Variants in FAM216B observed in about 807,000 individuals in gnomAD.
The protein encoded by FAM216B is protein FAM216B.
FAM216B carries 11 observed loss-of-function variants against 12.9 expected under a neutral mutation model. The observed-to-expected ratio is 0.86, with a 90% confidence interval of 0.54 to 1.42. The LOEUF is 1.42. Among genes scored for constraint, FAM216B ranks in the 40% most tolerant of loss-of-function variants. FAM216B has a pLI of 0.00. For missense variants in FAM216B, 167 were observed against 162.9 expected (o/e 1.02, Z -0.14); for synonymous variants, 52 against 57.2 (o/e 0.91, Z 0.41).
At chr13:42,786,983 T>C in intron 3 of FAM216B, 100 bp downstream of exon 3, 1 of 1,525,696 alleles carries the variant, frequency 6.6e-7, no homozygotes, top group South Asian at 1.3e-5. Context: ...CAATGGCATC[T>C]ACTGGCGTGC....
rs1457370671 is a variant in FAM216B, at chr13:42,789,912, T to C, written c.*1122T>C. ...ATCATGAACATATAAGATATAAAAA[T>C]TGTCATGAGATTCTGAACACTAGTA... On this transcript the variant is annotated 3_prime_UTR_variant, in exon 4 of 4. Transcript: ENST00000313851. The C allele has an allele frequency of 1.3e-5, 2 of 152,114 alleles. No homozygotes were observed. The highest frequency in any genetic ancestry group is 4.8e-5 in the African/African-American group (2 of 41,414). 9.4% of individuals were successfully genotyped at this position (152,114 alleles called of 1,614,324 possible). A position where few individuals can be genotyped will look rare whatever the true frequency, so the allele number is the denominator to read the frequency against.
At position 42,789,966 on chromosome 13, in the gene FAM216B, T is replaced by C. The variant is rs977804802; in HGVS notation, c.*1176T>C. 1.3e-5 allele frequency: 2 copies of C among 152,226 alleles called. No individual in the cohort carries two copies. The highest frequency in any genetic ancestry group is 2.4e-5 in the African/African-American group (1 of 41,470). The allele number at this position is 152,226 out of a possible 1,614,324, so 9.4% of individuals were successfully genotyped here. Reference sequence around the variant, plus strand: ...AGGTCCAGCACTACTTCCAAGCTCCTATCTGACTTTTCTTTGGGAGGAATG... The same window carrying C: ...AGGTCCAGCACTACTTCCAAGCTCCCATCTGACTTTTCTTTGGGAGGAATG... On this transcript the variant is annotated 3_prime_UTR_variant, in exon 4 of 4. Coordinates refer to ENST00000313851, the MANE Select transcript of FAM216B (RefSeq NM_001318932.2).
chr13:42,782,227 A>C lies in FAM216B; in HGVS notation c.-15+563A>C, dbSNP rs954564137. ...ACATGTATTACAATACTCCTTAAGC[A>C]TGTGTATGTTTATGAACCTATGAGT... On this transcript the variant is annotated intron_variant, in intron 1 of 3. Transcript: ENST00000313851. 2.0e-5 allele frequency among the ~76,000 whole-genome samples: 3 copies of C among 152,360 alleles called. No homozygotes were observed. In the South Asian group the frequency reaches 6.2e-4, roughly 32 times the overall value.
chr13:42,783,164 T>C (rs1003573949), intron 1 of FAM216B, among the ~76,000 whole-genome samples: 2 of 151,622 alleles, frequency 1.3e-5, no homozygotes, highest in African/African-American at 2.4e-5. Context: ...TAAAAAATAA[T>C]TGGGTGTGGG....
At chr13:42,786,349 CTCA>C (rs59184162) in intron 2 of FAM216B, among the ~76,000 whole-genome samples, 53,205 of 151,712 alleles carry the variant, frequency 0.35, 9,401 homozygotes, top group Non-Finnish European at 0.39. Flanking sequence ...TACCACATTA[CTCA>C]TCCATCTATC....
chr13:42,788,651 G>T lies in FAM216B; in HGVS notation c.281G>T (p.Arg94Ile), dbSNP rs751877658. The T allele has an allele frequency of 2.5e-6, 4 of 1,613,958 alleles. No homozygotes were observed. In the South Asian group the frequency reaches 3.3e-5, roughly 13 times the overall value. Residue 94 changes from arginine to isoleucine, a missense_variant, in exon 4 of 4, where the codon AGA (arginine) becomes ATA (isoleucine). By Grantham distance (97) the Arg-to-Ile change is moderately conservative. Coordinates refer to ENST00000313851, the MANE Select transcript of FAM216B (RefSeq NM_001318932.2). ...YALVLRDSTKRASAKVAPQRT... is the reference protein window; with the variant it reads ...YALVLRDSTKIASAKVAPQRT... ...CTTGTACTTAGAGATTCAACCAAGA[G>T]AGCCTCAGCCAAGGTAGCTCCTCAA...
intron 3 of FAM216B, among the ~76,000 whole-genome samples, chr13:42,787,169 T>C (rs1310736923): frequency 6.6e-6 from 1 of 152,208 alleles, no homozygotes; most frequent in Non-Finnish European, 1.5e-5. Context: ...GGGTCTGGGC[T>C]TAGAAAACCA....
At position 42,789,483 on chromosome 13, in the gene FAM216B, C is replaced by T. The variant is rs1245089703; in HGVS notation, c.*693C>T. 6.6e-6 allele frequency: 1 copy of T among 152,212 alleles called. No homozygotes were observed. Among genetic ancestry groups the T allele is most frequent in the African/African-American group, 2.4e-5 (1 of 41,442 alleles). 9.4% of individuals were successfully genotyped at this position (152,212 alleles called of 1,614,324 possible). A position where few individuals can be genotyped will look rare whatever the true frequency, so the allele number is the denominator to read the frequency against. On this transcript the variant is annotated 3_prime_UTR_variant, in exon 4 of 4. Coordinates refer to ENST00000313851, the MANE Select transcript of FAM216B (RefSeq NM_001318932.2). ...ACACTCTTAAAAGAATATGAAATAA[C>T]CCCGAAGACTTTATTTCATGTCCAA...
At position 42,788,954 on chromosome 13, in the gene FAM216B, G is replaced by A. The variant is rs1310282010; in HGVS notation, c.*164G>A. On this transcript the variant is annotated 3_prime_UTR_variant, in exon 4 of 4. Coordinates refer to ENST00000313851, the MANE Select transcript of FAM216B (RefSeq NM_001318932.2). ...TAAATTTTGCCAGCAAGACCAAGAG[G>A]TTTAAGAGCAATGGAGCCGAGAGTA... is the stretch of plus-strand genomic sequence containing the variant. 4.7e-6 allele frequency: 3 copies of A among 643,888 alleles called. No homozygotes were observed. Among genetic ancestry groups the A allele is most frequent in the Non-Finnish European group, 7.5e-6 (3 of 401,090 alleles). The allele number at this position is 643,888 out of a possible 1,614,324, so 39.9% of individuals were successfully genotyped here. A position where few individuals can be genotyped will look rare whatever the true frequency, so the allele number is the denominator to read the frequency against.
chr13:42,782,127 T>C (rs905459691), intron 1 of FAM216B, among the ~76,000 whole-genome samples: 1 of 152,242 alleles, frequency 6.6e-6, no homozygotes, highest in African/African-American at 2.4e-5. Context: ...CACAGAGATG[T>C]TGACTAATGT....
Position 42,790,403 on chromosome 13 carries a change from AC to A in FAM216B, c.*1614del, listed in dbSNP as rs1566065676. 1 of 152,036 alleles carries A rather than the reference AC, an allele frequency of 6.6e-6. No homozygotes were observed. Among genetic ancestry groups the A allele is most frequent in the Non-Finnish European group, 1.5e-5 (1 of 68,002 alleles). 9.4% of individuals were successfully genotyped at this position (152,036 alleles called of 1,614,324 possible). A position where few individuals can be genotyped will look rare whatever the true frequency, so the allele number is the denominator to read the frequency against. On this transcript the variant is annotated 3_prime_UTR_variant, in exon 4 of 4. Transcript: ENST00000313851. ...ATGCAGAATATCAAGGAGGCCACTT[AC>A]AATTCTAAGCTGCATCCCTGTATCA...
rs1038075133 is a variant in FAM216B at position 42,789,582 on chromosome 13, A to C, written c.*792A>C. On this transcript the variant is annotated 3_prime_UTR_variant, in exon 4 of 4. Coordinates refer to ENST00000313851, the MANE Select transcript of FAM216B (RefSeq NM_001318932.2). Reference sequence around the variant, plus strand: ...AAGCAGTGAGTCAGTTCATCATACAAAGGCATAGTATTGCATTAGTTATAT... The same window carrying C: ...AAGCAGTGAGTCAGTTCATCATACACAGGCATAGTATTGCATTAGTTATAT... 1 of 152,118 alleles carries C rather than the reference A, an allele frequency of 6.6e-6. No homozygotes were observed. The highest frequency in any genetic ancestry group is 1.5e-5 in the Non-Finnish European group (1 of 68,036). 9.4% of individuals were successfully genotyped at this position (152,118 alleles called of 1,614,324 possible).
intron 2 of FAM216B, 112 bp from the exon 3 acceptor site, chr13:42,786,651 T>C (rs1287787333): frequency 3.4e-6 from 4 of 1,172,386 alleles, no homozygotes; most frequent in South Asian, 1.9e-5. Context: ...AAAAAAAACA[T>C]ATGGTTAGCA....
At chr13:42,782,178 A>G (rs1009757616) in intron 1 of FAM216B, among the ~76,000 whole-genome samples, 21 of 152,226 alleles carry the variant, frequency 1.4e-4, no homozygotes, top group Non-Finnish European at 2.6e-4. Flanking sequence ...GGAACCTTCG[A>G]TGTGTGAACT....
Position 42,791,060 on chromosome 13 carries a change from T to C in FAM216B, c.*2270T>C, listed in dbSNP as rs1224062624. On this transcript the variant is annotated 3_prime_UTR_variant, in exon 4 of 4. Coordinates refer to ENST00000313851, the MANE Select transcript of FAM216B (RefSeq NM_001318932.2). ...GAATAGAGGGTACACTGGAAAGAAT[T>C]TGAAAACAATAATAAAGCTGACTAC... 1 of 152,148 alleles carries C rather than the reference T, an allele frequency of 6.6e-6. No homozygotes were observed. The highest frequency in any genetic ancestry group is 1.5e-5 in the Non-Finnish European group (1 of 68,014). The allele number at this position is 152,148 out of a possible 1,614,324, so 9.4% of individuals were successfully genotyped here. A position where few individuals can be genotyped will look rare whatever the true frequency, so the allele number is the denominator to read the frequency against.
chr13:42,782,592 A>G (rs895309368), intron 1 of FAM216B, among the ~76,000 whole-genome samples: 2 of 152,228 alleles, frequency 1.3e-5, no homozygotes, highest in African/African-American at 4.8e-5. Flanking sequence ...ACTGCTAACA[A>G]AGACAAAGGA....
rs1428797937 is a variant in FAM216B at position 42,790,619 on chromosome 13, G to T, written c.*1829G>T. ...ACTTGAAACTTAAAGAAATGTGATT[G>T]GTTATGGTGCTGGGAGAAAGGGGTG... On this transcript the variant is annotated 3_prime_UTR_variant, in exon 4 of 4. Coordinates refer to ENST00000313851, the MANE Select transcript of FAM216B (RefSeq NM_001318932.2). 1 of 152,138 alleles carries T rather than the reference G, an allele frequency of 6.6e-6. No homozygotes were observed. The highest frequency in any genetic ancestry group is 1.9e-4 in the East Asian group (1 of 5,196). The allele number at this position is 152,138 out of a possible 1,614,324, so 9.4% of individuals were successfully genotyped here.
chr13:42,785,687 G>A (rs1419284934), intron 2 of FAM216B, among the ~76,000 whole-genome samples: 1 of 152,128 alleles, frequency 6.6e-6, no homozygotes, highest in Non-Finnish European at 1.5e-5. Context: ...GACACTTCTT[G>A]TTTCTTTCTA....
chr13:42,787,286 AC>A (rs1874128867), intron 3 of FAM216B, among the ~76,000 whole-genome samples: 1 of 152,214 alleles, frequency 6.6e-6, no homozygotes, highest in African/African-American at 2.4e-5. Flanking sequence ...CACGTTCCAG[AC>A]ATTGTGCTAA....
Sources: gnomAD v4.1 joint callset for allele counts (sites outside exome capture counted in the v4.1 genomes callset) on GRCh38, gnomAD v4.1.1 for gene constraint, MANE v1.5 for transcripts, NCBI Gene and HGNC (gene_info 2026-07-23, HGNC 2026-07-21) for gene names.